Variants in RALGAPA1 observed in about 807,000 individuals in gnomAD.
The protein encoded by RALGAPA1 is Ral GTPase activating protein catalytic subunit alpha 1.
In RALGAPA1, 52 loss-of-function variants were observed where a neutral mutation model predicts 269.6. The ratio of observed to expected loss-of-function variants is 0.19; its 90% CI spans 0.15 to 0.24. The LOEUF (loss-of-function observed/expected upper bound fraction) is 0.24, where lower values mean the gene tolerates loss of function less well. RALGAPA1 is among the 10% of genes least tolerant of loss of function. The pLI, the probability that RALGAPA1 is intolerant of heterozygous loss-of-function variation, is 1.00. For missense variants in RALGAPA1, 1,917 were observed against 3,013.9 expected, an observed-to-expected ratio of 0.64 and a Z score of 8.52; for synonymous variants, 817 against 1,008.3, an observed-to-expected ratio of 0.81 and a Z score of 3.60.
At chr14:35,725,285 T>C (rs1203053423) in intron 13 of RALGAPA1, 132 bp from the exon 14 acceptor site, 2 of 528,520 alleles carry the variant, frequency 3.8e-6, no homozygotes, top group East Asian at 6.9e-5. Flanking sequence ...TTCAAATGTT[T>C]AGAGTTCCTT....
At chr14:35,609,812 C>T (rs1456310984) in intron 35 of RALGAPA1, among the ~76,000 whole-genome samples, 1 of 150,628 alleles carries the variant, frequency 6.6e-6, no homozygotes, top group Non-Finnish European at 1.5e-5. Context: ...GTCCCAGGGC[C>T]CCTACTTGGG....
chr14:35,702,872 T>C (rs949916085), intron 16 of RALGAPA1, among the ~76,000 whole-genome samples: 17 of 151,806 alleles, frequency 1.1e-4, no homozygotes, highest in Non-Finnish European at 2.4e-4. Flanking sequence ...CCTGAGTAGC[T>C]GGGACTACAG....
chr14:35,778,377 T>C (rs1382920632), intron 1 of RALGAPA1, among the ~76,000 whole-genome samples: 1 of 152,226 alleles, frequency 6.6e-6, no homozygotes, highest in Non-Finnish European at 1.5e-5. Flanking sequence ...GTCTTATCTA[T>C]GTGATTTTCC....
At chr14:35,543,713 G>C (rs1309219799) in intron 41 of RALGAPA1, among the ~76,000 whole-genome samples, 1 of 152,238 alleles carries the variant, frequency 6.6e-6, no homozygotes, top group African/African-American at 2.4e-5. Flanking sequence ...CGCGATTTCA[G>C]CTCACTGCAG....
rs1209878953 is a variant in RALGAPA1 at position 35,688,839 on chromosome 14, C to T, written c.3572G>A (p.Ser1191Asn). Residue 1191 changes from serine to asparagine, a missense_variant, in exon 18 of 42, where the codon AGC becomes AAC. Ser to Asn is a conservative substitution (Grantham distance 46, BLOSUM62 1). This residue lies in a region of RALGAPA1 where 615 missense variants were observed against 790.0 expected (regional missense o/e 0.78). Transcript: ENST00000680220. Reference sequence around the variant, plus strand: ...GCTGGTATGGGTGTTGCTAGTGCTGCTATTGCTGCTACCACTACTAAAGCC... The same window carrying T: ...GCTGGTATGGGTGTTGCTAGTGCTGTTATTGCTGCTACCACTACTAAAGCC... Reference protein sequence around the residue: ...LGGFSSGSSNSSTSNTHTSTN... With the variant: ...LGGFSSGSSNNSTSNTHTSTN... 9.9e-6 allele frequency: 13 copies of T among 1,317,386 alleles called. No individual in the cohort carries two copies. Among genetic ancestry groups the T allele is most frequent in the Non-Finnish European group, 1.3e-5 (13 of 1,036,982 alleles). The allele number at this position is 1,317,386 out of a possible 1,614,324, so 81.6% of individuals were successfully genotyped here.
chr14:35,769,024 AAAAAAAAAAAAATATAT>A (rs2074381508), intron 4 of RALGAPA1, among the ~76,000 whole-genome samples: 1 of 98,456 alleles, frequency 1.0e-5, no homozygotes, highest in South Asian at 3.8e-4. Context: ...AAAAAAAAAA[AAAAAAAAAAAAATATAT>A]ATATATATAT....
intron 16 of RALGAPA1, among the ~76,000 whole-genome samples, chr14:35,713,704 A>C (rs991829277): frequency 6.6e-6 from 1 of 152,112 alleles, no homozygotes; most frequent in African/African-American, 2.4e-5. Flanking sequence ...GAGCATATGG[A>C]CATGAATTTG....
chr14:35,708,446 C>T (rs1019807868), intron 16 of RALGAPA1, among the ~76,000 whole-genome samples: 1 of 151,984 alleles, frequency 6.6e-6, no homozygotes, highest in Admixed American at 6.6e-5. Context: ...GACAAAAGAT[C>T]GATAGACATT....
rs2061480369 is a variant in RALGAPA1, at chr14:35,633,401, A to G, written c.5995+1173T>C. On this transcript the variant is annotated intron_variant, in intron 33 of 41. Coordinates refer to ENST00000680220, the MANE Select transcript of RALGAPA1 (RefSeq NM_001346249.2). ...ATACCTCTTTTATATTTGAGAAACA[A>G]TTTAAATCTTAAATTCCTATTTCAA... is the stretch of plus-strand genomic sequence containing the variant. Among the ~76,000 whole-genome samples, 3 of 152,104 alleles carry G rather than the reference A, an allele frequency of 2.0e-5. No homozygotes were observed. The South Asian group carries it at 6.2e-4, about 32-fold the overall frequency.
intron 10 of RALGAPA1, among the ~76,000 whole-genome samples, chr14:35,747,945 T>G (rs1424649576): frequency 6.6e-6 from 1 of 152,012 alleles, no homozygotes; most frequent in Non-Finnish European, 1.5e-5. Context: ...TTAATCAACT[T>G]TGACTTCAGA....
At chr14:35,591,231 T>C (rs1479993502) in intron 37 of RALGAPA1, among the ~76,000 whole-genome samples, 1 of 152,166 alleles carries the variant, frequency 6.6e-6, no homozygotes, top group African/African-American at 2.4e-5. Context: ...GTAACACTTA[T>C]TTGTTACATT....
rs2072746687 is a variant in RALGAPA1, at chr14:35,751,920, T to C, written c.802+104A>G. The C allele has an allele frequency of 2.1e-6, 3 of 1,447,336 alleles. No individual in the cohort carries two copies. The South Asian group carries it at 4.2e-5, about 20-fold the overall frequency. 89.7% of individuals were successfully genotyped at this position (1,447,336 alleles called of 1,614,324 possible). ...TCATATCTATACCAACCAATACAAG[T>C]ATTAAATATGATCAGTTTCCTGCAG... On this transcript the variant is annotated intron_variant, in intron 8 of 41. Transcript: ENST00000680220.
At chr14:35,769,249 G>A (rs186089636) in intron 4 of RALGAPA1, among the ~76,000 whole-genome samples, 6 of 151,474 alleles carry the variant, frequency 4.0e-5, no homozygotes, top group South Asian at 4.2e-4. Context: ...GGATGAAAGC[G>A]GATATAGCCA....
At chr14:35,760,248 T>G (rs573918991) in intron 6 of RALGAPA1, among the ~76,000 whole-genome samples, 15 of 152,290 alleles carry the variant, frequency 9.8e-5, no homozygotes, top group Non-Finnish European at 1.6e-4. Context: ...AGAGTGAATA[T>G]GTCCTTCCCA....
chr14:35,677,898 G>A (rs1328617463), intron 22 of RALGAPA1, 52 bp downstream of exon 22: 1 of 1,535,210 alleles, frequency 6.5e-7, no homozygotes, highest in Non-Finnish European at 9.0e-7. Context: ...ATGATCTCCT[G>A]ACACTGACGC....
At chr14:35,696,833 C>A (rs1218646759) in intron 17 of RALGAPA1, among the ~76,000 whole-genome samples, 4 of 152,060 alleles carry the variant, frequency 2.6e-5, no homozygotes, top group Admixed American at 2.0e-4. Context: ...AGCTAATTCA[C>A]ATGAGGGAGA....
chr14:35,666,307 T>C (rs1182371003), intron 26 of RALGAPA1, among the ~76,000 whole-genome samples: 2 of 152,200 alleles, frequency 1.3e-5, no homozygotes, highest in Admixed American at 6.5e-5. Context: ...GGCAACTGTA[T>C]AGTCACATTT....
intron 35 of RALGAPA1, among the ~76,000 whole-genome samples, chr14:35,620,396 G>A (rs2060537947): frequency 6.6e-6 from 1 of 152,044 alleles, no homozygotes; most frequent in South Asian, 2.1e-4. Context: ...CAAACCCACA[G>A]CCAATATCAT....
intron 31 of RALGAPA1, among the ~76,000 whole-genome samples, chr14:35,648,026 C>G (rs557004658): frequency 3.3e-5 from 5 of 151,790 alleles, no homozygotes; most frequent in Non-Finnish European, 7.4e-5. Context: ...GCCTGTAAAC[C>G]CAGCACTTTG....
Sources: allele counts gnomAD v4.1 joint callset (sites outside exome capture counted in the v4.1 genomes callset), GRCh38; gene constraint gnomAD v4.1.1; regional missense constraint gnomAD v4.1.1; transcripts MANE v1.5; gene names NCBI Gene and HGNC (gene_info 2026-07-23, HGNC 2026-07-21).